SH3BGR: variants seen among roughly 807,000 people sequenced by gnomAD.
The protein encoded by SH3BGR is SH3 domain-binding glutamic acid-rich protein.
Under a neutral mutation model 24.5 loss-of-function variants are expected in SH3BGR, and 29 were observed. That is an observed-to-expected ratio of 1.18 (90% CI 0.88 to 1.61). The LOEUF is 1.61. Among genes scored for constraint, SH3BGR ranks in the 40% most tolerant of loss-of-function variants. The pLI is 0.00. For missense variants in SH3BGR, 162 were observed against 205.8 expected (o/e 0.79, Z 1.30); for synonymous variants, 55 against 65.7 (o/e 0.84, Z 0.79).
chr21:39,449,727 T>C (rs564041449), upstream of SH3BGR, among the ~76,000 whole-genome samples: 35 of 152,228 alleles, frequency 2.3e-4, no homozygotes, highest in African/African-American at 8.2e-4. Flanking sequence ...TGGAGAGGAA[T>C]GGGTGAGGCT....
intron 1 of SH3BGR, among the ~76,000 whole-genome samples, chr21:39,455,237 A>G (rs1246673588): frequency 1.3e-5 from 2 of 152,236 alleles, no homozygotes; most frequent in Non-Finnish European, 2.9e-5. Flanking sequence ...ATACTTTCTT[A>G]TAAGTAAATG....
At chr21:39,454,500 G>C (rs1411917419) in intron 1 of SH3BGR, among the ~76,000 whole-genome samples, 1 of 152,182 alleles carries the variant, frequency 6.6e-6, no homozygotes, top group Non-Finnish European at 1.5e-5. Context: ...AGAGACCCTG[G>C]GGAGCAGGAG....
intron 1 of SH3BGR, 22 bp from the exon 2 acceptor site, chr21:39,462,353 A>AT (rs770814235): frequency 1.0e-5 from 16 of 1,572,280 alleles, no homozygotes; most frequent in Non-Finnish European, 1.3e-5. Context: ...AAACAGCCTA[A>AT]TATTTCTCTA....
intron 4 of SH3BGR, among the ~76,000 whole-genome samples, chr21:39,503,298 C>CA (rs1270127138): frequency 6.6e-6 from 1 of 152,190 alleles, no homozygotes; most frequent in Non-Finnish European, 1.5e-5. Context: ...CTTGTGTGCC[C>CA]TTCACCCAAC....
Position 39,475,190 on chromosome 21 carries a change from GT to G in SH3BGR, c.290del (p.Leu97TrpfsTer53). 6.2e-7 allele frequency: 1 copy of G among 1,611,330 alleles called. No homozygotes were observed. Among genetic ancestry groups the G allele is most frequent in the East Asian group, 2.2e-5 (1 of 44,818 alleles). Reference protein sequence around the residue: ...KEENIIYSFLGLAPPPDSKGS... With the variant: ...KEENIIYSFLXLAPPPDSKGS... Reference sequence around the variant, plus strand: ...GAGAATATTATTTATTCCTTCCTTGGTTTGGCTCCTCCTCCAGACTCAAAGG... The same window carrying G: ...GAGAATATTATTTATTCCTTCCTTGGTTGGCTCCTCCTCCAGACTCAAAGG... On this transcript the variant is annotated frameshift_variant, in exon 3 of 7. Transcript: ENST00000333634. LOFTEE classifies it high-confidence loss of function.
At chr21:39,488,952 TC>T (rs577642765) in intron 3 of SH3BGR, among the ~76,000 whole-genome samples, 2 of 151,438 alleles carry the variant, frequency 1.3e-5, no homozygotes, top group Non-Finnish European at 1.5e-5. Context: ...TGTTCTCTGT[TC>T]CCCCCAACCC....
intron 3 of SH3BGR, among the ~76,000 whole-genome samples, chr21:39,479,961 G>A (rs1342902998): frequency 6.6e-6 from 1 of 151,978 alleles, no homozygotes; most frequent in African/African-American, 2.4e-5. Context: ...TGTCAGTGGG[G>A]CTCTGGTAAG....
chr21:39,473,539 A>C (rs1031839654), intron 2 of SH3BGR, among the ~76,000 whole-genome samples: 9 of 152,156 alleles, frequency 5.9e-5, no homozygotes, highest in African/African-American at 1.9e-4. Context: ...AAAATTAATC[A>C]CTGAGAGACT....
intron 2 of SH3BGR, among the ~76,000 whole-genome samples, chr21:39,465,429 AG>A (rs1351961144): frequency 4.6e-5 from 7 of 152,174 alleles, no homozygotes; most frequent in Non-Finnish European, 7.3e-5. Context: ...TCCTACTCTG[AG>A]GCAGCCAGTG....
At chr21:39,491,219 G>A (rs1013902424) in intron 3 of SH3BGR, among the ~76,000 whole-genome samples, 1 of 150,384 alleles carries the variant, frequency 6.6e-6, no homozygotes, top group South Asian at 2.1e-4. Context: ...GAGTGATCTC[G>A]GCTCACTGCA....
intron 3 of SH3BGR, among the ~76,000 whole-genome samples, chr21:39,492,170 G>T (rs2078309726): frequency 6.6e-6 from 1 of 151,982 alleles, no homozygotes; most frequent in African/African-American, 2.4e-5. Flanking sequence ...AGATTTTGGT[G>T]CACCCATCAC....
rs960459087 is a variant in SH3BGR at position 39,511,721 on chromosome 21, G to A, written c.477G>A (p.Glu159=). Residue 159 remains glutamate, a synonymous_variant, in exon 6 of 7, where the codon GAG becomes GAA. Coordinates refer to ENST00000333634, the MANE Select transcript of SH3BGR (RefSeq NM_007341.3). The surrounding 1 kb of genome is among the most constrained non-coding windows in gnomAD (Gnocchi z 4.2). ...IAMEGAEGEA[E]EEEETAEGEE... ...TGGAGGGTGCGGAAGGGGAAGCCGA[G>A]GAGGAGGAAGAAACTGCAGAAGGAG... is the stretch of plus-strand genomic sequence containing the variant. 3 of 1,586,930 alleles carry A rather than the reference G, an allele frequency of 1.9e-6. No individual in the cohort carries two copies. The Middle Eastern group carries it at 5.4e-4, about 284-fold the overall frequency.
At chr21:39,446,101 G>A (rs944957099) in intron 1 of SH3BGR, 1 of 152,050 alleles carries the variant, frequency 6.6e-6, no homozygotes, top group Non-Finnish European at 1.5e-5. Flanking sequence ...GTCAGTAGGT[G>A]GGTGTAGACG....
intron 3 of SH3BGR, among the ~76,000 whole-genome samples, chr21:39,476,952 C>A (rs570898999): frequency 6.6e-6 from 1 of 152,040 alleles, no homozygotes; most frequent in Non-Finnish European, 1.5e-5. Flanking sequence ...GAAGGGGAGA[C>A]GGTAGTAGAA....
intron 3 of SH3BGR, among the ~76,000 whole-genome samples, chr21:39,482,285 G>T (rs1271100365): frequency 6.6e-6 from 1 of 152,200 alleles, no homozygotes; most frequent in Non-Finnish European, 1.5e-5. Context: ...AAAACATTCA[G>T]TGTCATGAAA....
At chr21:39,491,303 C>T (rs951420998) in intron 3 of SH3BGR, among the ~76,000 whole-genome samples, 5 of 151,836 alleles carry the variant, frequency 3.3e-5, no homozygotes, top group African/African-American at 9.7e-5. Context: ...GCGGGTGCCA[C>T]CACACTGGGC....
At chr21:39,514,863 T>C (rs1201338120) in intron 6 of SH3BGR, among the ~76,000 whole-genome samples, 2 of 152,238 alleles carry the variant, frequency 1.3e-5, no homozygotes, top group East Asian at 3.8e-4. Flanking sequence ...GATGTTGTCT[T>C]CCTTATGGTG....
chr21:39,506,654 C>T (rs189222687), intron 4 of SH3BGR, among the ~76,000 whole-genome samples: 3 of 152,274 alleles, frequency 2.0e-5, no homozygotes, highest in African/African-American at 7.2e-5. Flanking sequence ...GACTTACTAC[C>T]ACAAGAACAG....
At chr21:39,475,570 C>T (rs923071117) in intron 3 of SH3BGR, among the ~76,000 whole-genome samples, 1 of 152,136 alleles carries the variant, frequency 6.6e-6, no homozygotes, top group African/African-American at 2.4e-5. Context: ...ATTGACTTCT[C>T]ATATAGCTTT....
Sources: gnomAD v4.1 joint callset for allele counts (sites outside exome capture counted in the v4.1 genomes callset) on GRCh38, gnomAD v4.1.1 for gene constraint, Gnocchi (gnomAD v3.1) non-coding constraint, MANE v1.5 for transcripts, NCBI Gene and HGNC (gene_info 2026-07-23, HGNC 2026-07-21) for gene names.